The following SMARCC1 variants were observed in gnomAD, a reference collection of about 807,000 sequenced individuals.
SMARCC1 encodes SWI/SNF complex subunit SMARCC1.
Under a neutral mutation model 147.4 loss-of-function variants are expected in SMARCC1, and 43 were observed. The observed-to-expected ratio is 0.29, with a 90% CI of 0.23 to 0.38. The LOEUF (loss-of-function observed/expected upper bound fraction) is 0.38. SMARCC1 is among the 10% of genes least tolerant of loss of function. The pLI is 1.00. For missense variants in SMARCC1, 1,119 were observed against 1,381.1 expected (o/e 0.81, Z 3.01); for synonymous variants, 495 against 484.4 (o/e 1.02, Z -0.29).
chr3:47,676,737 A>C lies in SMARCC1; in HGVS notation c.1617T>G (p.Val539=), dbSNP rs747666077. 1 of 1,613,858 alleles carries C rather than the reference A, an allele frequency of 6.2e-7. No homozygotes were observed. Among genetic ancestry groups the C allele is most frequent in the South Asian group, 1.1e-5 (1 of 91,050 alleles). The part of the protein sequence containing the change: ...LEQWGLVNYQ[V]DPESRPMAMG... Reference sequence around the variant, plus strand: ...TTGCCATGGGTCTACTTTCCGGGTCAACTTGGTAATTAACGAGTCCCCACT... The same window carrying C: ...TTGCCATGGGTCTACTTTCCGGGTCCACTTGGTAATTAACGAGTCCCCACT... Residue 539 remains valine (V), a synonymous_variant, in exon 17 of 28, where the codon GTT becomes GTG. Transcript: ENST00000254480.
At chr3:47,709,503 T>C (rs1198186139) in intron 9 of SMARCC1, among the ~76,000 whole-genome samples, 5 of 151,492 alleles carry the variant, frequency 3.3e-5, no homozygotes, top group Admixed American at 1.3e-4. Context: ...CTGGCCAACA[T>C]GGTGAAATCC....
intron 1 of SMARCC1, among the ~76,000 whole-genome samples, chr3:47,777,133 G>A (rs2034984586): frequency 6.6e-6 from 1 of 150,708 alleles, no homozygotes; most frequent in South Asian, 2.1e-4. Flanking sequence ...CTAGGCTGGA[G>A]TGCAGTGGCG....
At chr3:47,594,368 T>G (rs1466745631) in intron 26 of SMARCC1, among the ~76,000 whole-genome samples, 1 of 152,196 alleles carries the variant, frequency 6.6e-6, no homozygotes, top group Non-Finnish European at 1.5e-5. Flanking sequence ...GTCAAATCAC[T>G]TTGGCAAAAT....
At chr3:47,613,643 G>A (rs547677628) in intron 25 of SMARCC1, among the ~76,000 whole-genome samples, 1 of 152,222 alleles carries the variant, frequency 6.6e-6, no homozygotes, top group African/African-American at 2.4e-5. Flanking sequence ...ATGAGCCACT[G>A]CTCCTGGCCA....
rs193123053 is a variant in SMARCC1 at position 47,602,931 on chromosome 3, C to T, written c.3043+7135G>A. The stretch of plus-strand genomic sequence containing the variant: ...TTGGGAGGCCAAGGCGAGAGGATCG[C>T]GTGAGCTCAAGAGTTTGAGACCAAC... On this transcript the variant is annotated intron_variant, in intron 26 of 27. Transcript: ENST00000254480. Among the ~76,000 whole-genome samples the T allele has an allele frequency of 8.9e-4, 135 of 152,256 alleles. 1 individual carries two copies. Among genetic ancestry groups the T allele is most frequent in the African/African-American group, 2.6e-3 (106 of 41,528 alleles).
chr3:47,633,779 T>TATATACACACACAC lies in SMARCC1; in HGVS notation c.2646+1410_2646+1411insGTGTGTGTGTATAT, dbSNP rs1367543059. ...AAAAAAAAAAATATATATATATATA[T>TATATACACACACAC]ACACACACACACACACACACACACA... is the stretch of plus-strand genomic sequence containing the variant. On this transcript the variant is annotated intron_variant, in intron 24 of 27. Coordinates refer to ENST00000254480, the MANE Select transcript of SMARCC1 (RefSeq NM_003074.4). 1.0e-3 allele frequency among the ~76,000 whole-genome samples: 30 copies of TATATACACACACAC among 28,868 alleles called. No homozygotes were observed. The East Asian group carries it at 0.012, about 12-fold the overall frequency. 18.9% of individuals were successfully genotyped at this position (28,868 alleles called of 152,430 possible).
chr3:47,723,086 T>C (rs924099012), intron 6 of SMARCC1, among the ~76,000 whole-genome samples: 15 of 152,140 alleles, frequency 9.9e-5, no homozygotes, highest in African/African-American at 3.4e-4. Flanking sequence ...AGGAGACGGT[T>C]ACAGCTATAT....
At chr3:47,780,546 G>T (rs990716773) in intron 1 of SMARCC1, among the ~76,000 whole-genome samples, 2 of 152,184 alleles carry the variant, frequency 1.3e-5, no homozygotes, top group East Asian at 3.9e-4. Context: ...TCACTGAGCT[G>T]CTGAGGCCAA....
intron 18 of SMARCC1, among the ~76,000 whole-genome samples, chr3:47,674,302 A>AC: frequency 1.3e-5 from 2 of 152,328 alleles, no homozygotes; most frequent in Middle Eastern, 6.8e-3. Flanking sequence ...CATGCTGAAG[A>AC]CATTCCTTTA....
intron 26 of SMARCC1, among the ~76,000 whole-genome samples, chr3:47,594,081 C>A (rs1033472369): frequency 6.6e-6 from 1 of 151,530 alleles, no homozygotes; most frequent in African/African-American, 2.4e-5. Context: ...AGGAGAACTG[C>A]TTGAACCCGG....
intron 22 of SMARCC1, among the ~76,000 whole-genome samples, chr3:47,638,217 T>C (rs570055187): frequency 2.0e-5 from 3 of 152,236 alleles, no homozygotes; most frequent in South Asian, 4.1e-4. Context: ...CTCAGCCTCC[T>C]GAGTAGCTGG....
At chr3:47,684,405 A>G (rs887369570) in intron 14 of SMARCC1, among the ~76,000 whole-genome samples, 2 of 151,694 alleles carry the variant, frequency 1.3e-5, no homozygotes, top group Non-Finnish European at 2.9e-5. Context: ...ATGTTAAAAT[A>G]TTTCCTATTA....
intron 26 of SMARCC1, 43 bp from the exon 27 acceptor site, chr3:47,590,880 G>C: frequency 1.3e-6 from 2 of 1,534,836 alleles, no homozygotes; most frequent in Non-Finnish European, 1.8e-6. Context: ...ACTAGAAAGG[G>C]GTGTAAGAAA....
intron 16 of SMARCC1, among the ~76,000 whole-genome samples, chr3:47,676,985 C>A (rs2033582769): frequency 6.6e-6 from 1 of 151,956 alleles, no homozygotes; most frequent in African/African-American, 2.4e-5. Context: ...AACACAGCAC[C>A]CCCAAACCTA....
chr3:47,743,892 C>CAT (rs2034537227), intron 3 of SMARCC1, among the ~76,000 whole-genome samples: 1 of 151,452 alleles, frequency 6.6e-6, no homozygotes, highest in Non-Finnish European at 1.5e-5. Flanking sequence ...TAGGAAAAAT[C>CAT]ATATCACTTT....
intron 14 of SMARCC1, among the ~76,000 whole-genome samples, chr3:47,682,641 T>C (rs530748283): frequency 1.4e-3 from 209 of 152,316 alleles, no homozygotes; most frequent in Admixed American, 2.8e-3. Flanking sequence ...TTAAAGTTTG[T>C]CAATTTTAAC....
intron 24 of SMARCC1, among the ~76,000 whole-genome samples, chr3:47,626,737 T>C (rs2032816671): frequency 6.6e-6 from 1 of 152,146 alleles, no homozygotes; most frequent in African/African-American, 2.4e-5. Flanking sequence ...CAATAAAAAT[T>C]AGTGGTAGCC....
intron 2 of SMARCC1, among the ~76,000 whole-genome samples, chr3:47,769,808 G>A (rs1478838907): frequency 1.3e-5 from 2 of 152,126 alleles, no homozygotes; most frequent in Non-Finnish European, 2.9e-5. Context: ...GAGAAAAGGA[G>A]CCCTTTTAAA....
chr3:47,763,076 A>G (rs1367200057), intron 2 of SMARCC1, among the ~76,000 whole-genome samples: 4 of 152,078 alleles, frequency 2.6e-5, no homozygotes, highest in Non-Finnish European at 5.9e-5. Context: ...AAAAAAAAAA[A>G]AAAGAGAAAA....
Sources: allele counts gnomAD v4.1 joint callset (sites outside exome capture counted in the v4.1 genomes callset), GRCh38; gene constraint gnomAD v4.1.1; transcripts MANE v1.5; gene names NCBI Gene and HGNC (gene_info 2026-07-23, HGNC 2026-07-21).